Variants in CCDC148 observed in about 807,000 individuals in gnomAD.
CCDC148 encodes the protein coiled-coil domain containing 148.
In CCDC148, 89 loss-of-function variants were observed where a neutral mutation model predicts 85.7. That is an observed-to-expected ratio of 1.04 (90% CI 0.87 to 1.24). CCDC148 has a LOEUF of 1.24. Among genes scored for constraint, CCDC148 ranks in the 50% most tolerant of loss-of-function variants. The probability of loss-of-function intolerance (pLI) is 0.00; values close to 1 mark genes in which losing one functional copy is unlikely to be tolerated. For missense variants in CCDC148, 692 were observed against 671.7 expected (o/e 1.03, Z -0.33); for synonymous variants, 230 against 213.9 (o/e 1.08, Z -0.66).
intron 1 of CCDC148, among the ~76,000 whole-genome samples, chr2:158,421,540 T>C (rs1014337105): frequency 6.6e-6 from 1 of 152,030 alleles, no homozygotes; most frequent in Non-Finnish European, 1.5e-5. Flanking sequence ...TTGAAACCAA[T>C]GAGAACAAAG....
chr2:158,346,508 G>C (rs943643475), intron 2 of CCDC148, among the ~76,000 whole-genome samples: 47 of 152,048 alleles, frequency 3.1e-4, no homozygotes, highest in African/African-American at 1.1e-3. Context: ...CCAGTCCTTT[G>C]CCTTCTCAGT....
chr2:158,192,716 G>C (rs1050179139), intron 11 of CCDC148, among the ~76,000 whole-genome samples: 2 of 151,802 alleles, frequency 1.3e-5, no homozygotes. Flanking sequence ...CTCTCTCATG[G>C]GGCCTAACCA....
Position 158,424,861 on chromosome 2 carries a change from AAAG to A in CCDC148, c.25+31551_25+31553del, listed in dbSNP as rs1389800961. 2.6e-5 allele frequency: 5 copies of A among 191,458 alleles called. No homozygotes were observed. In the South Asian group the frequency reaches 3.2e-4, roughly 12 times the overall value. 11.9% of individuals were successfully genotyped at this position (191,458 alleles called of 1,614,324 possible). On this transcript the variant is annotated intron_variant, in intron 1 of 13. Transcript: ENST00000283233. Reference sequence around the variant, plus strand: ...ATTCCCATGGATACAAAAACAAATAAAAGAAGATTTTGTTTTCTCACATATATA... The same window carrying A: ...ATTCCCATGGATACAAAAACAAATAAAAGATTTTGTTTTCTCACATATATA...
chr2:158,235,425 A>C (rs1688058068), intron 10 of CCDC148, among the ~76,000 whole-genome samples: 1 of 152,174 alleles, frequency 6.6e-6, no homozygotes, highest in South Asian at 2.1e-4. Context: ...TTTATGCCAC[A>C]GGTCTTATAA....
intron 9 of CCDC148, among the ~76,000 whole-genome samples, chr2:158,300,824 T>C (rs1196772319): frequency 1.3e-5 from 2 of 152,136 alleles, no homozygotes; most frequent in South Asian, 4.1e-4. Context: ...GCAAATGAGA[T>C]GGTATCATTA....
chr2:158,447,671 A>C (rs1401913049), intron 1 of CCDC148, among the ~76,000 whole-genome samples: 1 of 152,128 alleles, frequency 6.6e-6, no homozygotes, highest in Non-Finnish European at 1.5e-5. Flanking sequence ...ACATCTTTTC[A>C]TGTGCTTATT....
chr2:158,199,799 T>C (rs1168594057), intron 11 of CCDC148, among the ~76,000 whole-genome samples: 1 of 152,172 alleles, frequency 6.6e-6, no homozygotes, highest in Non-Finnish European at 1.5e-5. Flanking sequence ...TTCTTTTTCT[T>C]TGAAAATAAA....
intron 10 of CCDC148, among the ~76,000 whole-genome samples, chr2:158,228,850 C>A (rs1320527597): frequency 6.6e-6 from 1 of 150,960 alleles, no homozygotes; most frequent in Non-Finnish European, 1.5e-5. Context: ...TGGAGATATA[C>A]CTAATGTTAA....
At chr2:158,314,238 G>C (rs1391742005) in intron 7 of CCDC148, among the ~76,000 whole-genome samples, 1 of 152,108 alleles carries the variant, frequency 6.6e-6, no homozygotes, top group South Asian at 2.1e-4. Context: ...TATATATACA[G>C]ATTAAAAAGG....
intron 9 of CCDC148, among the ~76,000 whole-genome samples, 174 bp downstream of exon 9, chr2:158,309,259 T>C (rs915544957): frequency 3.3e-5 from 5 of 152,248 alleles, no homozygotes; most frequent in Non-Finnish European, 5.9e-5. Context: ...TTATTGATTA[T>C]TGACTGTATT....
chr2:158,291,235 G>A (rs990909144), intron 9 of CCDC148, among the ~76,000 whole-genome samples: 4 of 152,046 alleles, frequency 2.6e-5, no homozygotes, highest in African/African-American at 4.8e-5. Context: ...TTACAGGCAT[G>A]TGCCACGGTC....
At chr2:158,353,575 A>G (rs1025861356) in intron 2 of CCDC148, among the ~76,000 whole-genome samples, 2 of 152,034 alleles carry the variant, frequency 1.3e-5, no homozygotes, top group Middle Eastern at 6.3e-3. Flanking sequence ...AGATTCATAA[A>G]GCAAGTCCTG....
chr2:158,345,586 A>G (rs1467850911), intron 2 of CCDC148, among the ~76,000 whole-genome samples: 3 of 152,220 alleles, frequency 2.0e-5, no homozygotes, highest in South Asian at 2.1e-4. Flanking sequence ...TATTTTCCAT[A>G]CATGAAATAG....
chr2:158,303,130 AC>A (rs756166206), intron 9 of CCDC148, among the ~76,000 whole-genome samples: 1 of 152,052 alleles, frequency 6.6e-6, no homozygotes, highest in African/African-American at 2.4e-5. Context: ...CATCTAAATT[AC>A]CCCCCAAAAG....
At chr2:158,439,223 A>T (rs1181590429) in intron 1 of CCDC148, among the ~76,000 whole-genome samples, 2 of 152,212 alleles carry the variant, frequency 1.3e-5, no homozygotes, top group Non-Finnish European at 2.9e-5. Context: ...CTTGGTACCA[A>T]CCCAAATGTC....
At chr2:158,359,582 G>C (rs1241094453) in intron 1 of CCDC148, among the ~76,000 whole-genome samples, 2 of 152,094 alleles carry the variant, frequency 1.3e-5, no homozygotes, top group Non-Finnish European at 2.9e-5. Flanking sequence ...ACAAGAAGTT[G>C]GGGAAACTCC....
Position 158,309,625 on chromosome 2 carries a change from T to C in CCDC148, c.918A>G (p.Lys306=), listed in dbSNP as rs768903792. The C allele has an allele frequency of 6.2e-7, 1 of 1,611,954 alleles. No individual in the cohort carries two copies. The highest frequency in any genetic ancestry group is 1.7e-5 in the Admixed American group (1 of 59,900). The change falls in exon 9 of 14, where the codon AAA becomes AAG. Residue 306 remains lysine (K), a synonymous_variant. Coordinates refer to ENST00000283233, the MANE Select transcript of CCDC148 (RefSeq NM_138803.4). The stretch of plus-strand genomic sequence containing the variant: ...TAGCAAAGCGATATTGGTCACAATA[T>C]TTCTCGTGTTCAACCTGAAAAGATA... ...KSRHDLVEHE[K]YCDQYRFAIE...
At chr2:158,245,757 T>C (rs765570525) in intron 10 of CCDC148, among the ~76,000 whole-genome samples, 6 of 152,156 alleles carry the variant, frequency 3.9e-5, no homozygotes, top group Non-Finnish European at 8.8e-5. Flanking sequence ...ATAAGGTCCA[T>C]CTAGCAAGGA....
Position 158,253,632 on chromosome 2 carries a change from C to T in CCDC148, c.1111-2720G>A, listed in dbSNP as rs1424144796. On this transcript the variant is annotated intron_variant, in intron 9 of 13. Transcript: ENST00000283233. ...GTACTGGTACATCACAGGTGCTCAA[C>T]AAGTAACTTTTATTTAATCCTTCAA... Among the ~76,000 whole-genome samples, 3 of 151,560 alleles carry T rather than the reference C, an allele frequency of 2.0e-5. No homozygotes were observed. The East Asian group carries it at 5.8e-4, about 29-fold the overall frequency.
Sources: gnomAD v4.1 joint callset for allele counts (sites outside exome capture counted in the v4.1 genomes callset) on GRCh38, gnomAD v4.1.1 for gene constraint, MANE v1.5 for transcripts, NCBI Gene and HGNC (gene_info 2026-07-23, HGNC 2026-07-21) for gene names.